The following EYS variants were observed in gnomAD, a reference collection of about 807,000 sequenced individuals.
The protein encoded by EYS is protein eyes shut homolog.
A neutral mutation model predicts 282.1 loss-of-function variants in EYS; 250 were observed. That is an observed-to-expected ratio of 0.89 (90% CI 0.80 to 0.98). EYS has a LOEUF of 0.98. Among genes scored for constraint, EYS ranks in the 50% least tolerant of loss-of-function variants. EYS has a pLI of 0.00. For missense variants in EYS, 4,016 were observed against 3,709.0 expected, an observed-to-expected ratio of 1.08 and a Z score of -2.15; for synonymous variants, 1,355 against 1,282.9, an observed-to-expected ratio of 1.06 and a Z score of -1.20.
chr6:65,443,988 T>A (rs530019977), intron 5 of EYS, among the ~76,000 whole-genome samples: 141 of 151,700 alleles, frequency 9.3e-4, no homozygotes, highest in African/African-American at 3.3e-3. Context: ...ATAATAGTAA[T>A]AATAGACTTT....
At chr6:64,425,657 G>GA (rs34577912) in intron 28 of EYS, among the ~76,000 whole-genome samples, 18,685 of 67,490 alleles carry the variant, frequency 0.28, 2,289 homozygotes, top group East Asian at 0.43. Context: ...TCCATCCCAG[G>GA]AAAAAAAAAA....
intron 23 of EYS, among the ~76,000 whole-genome samples, chr6:64,625,364 C>G (rs1454750248): frequency 6.6e-6 from 1 of 152,146 alleles, no homozygotes; most frequent in Non-Finnish European, 1.5e-5. Context: ...ATACCATAAA[C>G]TGGATAGCTT....
At chr6:65,029,349 C>A (rs1412393111) in intron 13 of EYS, among the ~76,000 whole-genome samples, 1 of 151,840 alleles carries the variant, frequency 6.6e-6, no homozygotes, top group Non-Finnish European at 1.5e-5. Context: ...ATATTTATGT[C>A]TATATATTGA....
intron 5 of EYS, among the ~76,000 whole-genome samples, chr6:65,413,017 A>G (rs1190068857): frequency 1.3e-5 from 2 of 152,034 alleles, no homozygotes; most frequent in African/African-American, 4.8e-5. Flanking sequence ...TGGATTTTTA[A>G]TTTACCTGAT....
At chr6:64,247,984 A>C (rs187089520) in intron 30 of EYS, among the ~76,000 whole-genome samples, 2 of 152,304 alleles carry the variant, frequency 1.3e-5, no homozygotes, top group African/African-American at 4.8e-5. Context: ...GCAGAGTAAG[A>C]ACTATCAATA....
chr6:63,831,136 T>G (rs1313792620), intron 36 of EYS, among the ~76,000 whole-genome samples: 1 of 152,150 alleles, frequency 6.6e-6, no homozygotes, highest in Non-Finnish European at 1.5e-5. Context: ...AGACCATTGA[T>G]GCTAAGAAGA....
At chr6:64,269,126 C>T (rs1210716813) in intron 30 of EYS, among the ~76,000 whole-genome samples, 2 of 152,082 alleles carry the variant, frequency 1.3e-5, no homozygotes, top group African/African-American at 2.4e-5. Flanking sequence ...TGTCTACCAA[C>T]TAGGCTATGA....
chr6:65,438,750 A>C (rs1768186462), intron 5 of EYS, among the ~76,000 whole-genome samples: 1 of 152,076 alleles, frequency 6.6e-6, no homozygotes, highest in Non-Finnish European at 1.5e-5. Context: ...GATTCTGGAT[A>C]TTAGCCCTTT....
At chr6:64,192,357 G>T (rs886480486) in intron 31 of EYS, among the ~76,000 whole-genome samples, 2 of 152,170 alleles carry the variant, frequency 1.3e-5, no homozygotes, top group East Asian at 1.9e-4. Flanking sequence ...GTCAATTTTG[G>T]CTTTTGTTGC....
intron 22 of EYS, among the ~76,000 whole-genome samples, chr6:64,628,439 C>A (rs1400142813): frequency 2.0e-5 from 3 of 152,054 alleles, no homozygotes; most frequent in Non-Finnish European, 2.9e-5. Flanking sequence ...GAGACAGGTT[C>A]TTTCTCTGCT....
At position 63,778,225 on chromosome 6, in the gene EYS, T is replaced by C. The variant is rs762152623; in HGVS notation, c.7724-45A>G. 16 of 1,520,352 alleles carry C rather than the reference T, an allele frequency of 1.1e-5. No individual in the cohort carries two copies. The East Asian group carries it at 2.5e-4, about 23-fold the overall frequency. The allele number at this position is 1,520,352 out of a possible 1,614,324, so 94.2% of individuals were successfully genotyped here. A position where few individuals can be genotyped will look rare whatever the true frequency, so the allele number is the denominator to read the frequency against. The stretch of plus-strand genomic sequence containing the variant: ...ACTTCGTGTTAACAAACAGAAGAAA[T>C]AGAAAAAACAAGAAGAAGGTTATTT... On this transcript the variant is annotated intron_variant, in intron 39 of 42. Transcript: ENST00000503581.
At chr6:64,509,243 A>G (rs1777309238) in intron 26 of EYS, among the ~76,000 whole-genome samples, 1 of 152,142 alleles carries the variant, frequency 6.6e-6, no homozygotes, top group African/African-American at 2.4e-5. Context: ...CAGGCTGTGT[A>G]AAGTTTGAAG....
At chr6:65,211,316 G>T (rs780446278) in intron 12 of EYS, among the ~76,000 whole-genome samples, 5 of 151,890 alleles carry the variant, frequency 3.3e-5, no homozygotes, top group Admixed American at 1.3e-4. Flanking sequence ...CTTGGTAAAA[G>T]AATCTGAAAA....
intron 2 of EYS, among the ~76,000 whole-genome samples, chr6:65,619,188 T>A (rs1005743572): frequency 2.6e-5 from 4 of 151,842 alleles, no homozygotes; most frequent in African/African-American, 9.7e-5. Flanking sequence ...CCCATGAGCA[T>A]GGAATGTTCT....
intron 26 of EYS, among the ~76,000 whole-genome samples, chr6:64,539,831 G>A (rs943895574): frequency 1.6e-4 from 24 of 152,132 alleles, no homozygotes; most frequent in African/African-American, 5.8e-4. Context: ...ACACTAGTAG[G>A]ACAGGTGAGC....
intron 31 of EYS, among the ~76,000 whole-genome samples, chr6:64,188,315 A>G (rs1304260154): frequency 6.6e-6 from 1 of 152,138 alleles, no homozygotes; most frequent in African/African-American, 2.4e-5. Context: ...TTAAAAAACT[A>G]ATAGTTCTGA....
At chr6:64,950,924 T>G (rs1256762488) in intron 14 of EYS, among the ~76,000 whole-genome samples, 1 of 150,012 alleles carries the variant, frequency 6.7e-6, no homozygotes, top group African/African-American at 2.4e-5. Context: ...TACAGAGGGC[T>G]CTGCTTTTCA....
Position 65,353,081 on chromosome 6 carries a change from T to C in EYS, c.1459+377A>G, listed in dbSNP as rs115205789. Among the ~76,000 whole-genome samples, 684 of 152,028 alleles carry C rather than the reference T, an allele frequency of 4.5e-3. 5 individuals are homozygous for C. Among genetic ancestry groups the C allele is most frequent in the African/African-American group, 0.015 (643 of 41,544 alleles). ...CAGTTTTTTTTTCTTTTTTTCTAAATAGGCTCATTGCTTATAAGCATTCAT... is the reference window on the plus strand; with the variant it reads ...CAGTTTTTTTTTCTTTTTTTCTAAACAGGCTCATTGCTTATAAGCATTCAT... On this transcript the variant is annotated intron_variant, in intron 9 of 42. Transcript: ENST00000503581.
chr6:64,753,760 T>C (rs954074203), intron 22 of EYS, among the ~76,000 whole-genome samples: 2 of 151,984 alleles, frequency 1.3e-5, no homozygotes, highest in Non-Finnish European at 2.9e-5. Flanking sequence ...ATGAACCTAA[T>C]AGATGTCTAC....
Sources: allele counts gnomAD v4.1 joint callset (sites outside exome capture counted in the v4.1 genomes callset), GRCh38; gene constraint gnomAD v4.1.1; transcripts MANE v1.5; gene names NCBI Gene and HGNC (gene_info 2026-07-23, HGNC 2026-07-21).